Variants in CYP11B1 observed in about 807,000 individuals in gnomAD.
CYP11B1 encodes cytochrome P450 11B1, mitochondrial.
In CYP11B1, 34 loss-of-function variants were observed where a neutral mutation model predicts 48.3. The observed-to-expected ratio is 0.70, with a 90% CI of 0.54 to 0.94. The LOEUF (loss-of-function observed/expected upper bound fraction) is 0.94, where lower values mean the gene tolerates loss of function less well. CYP11B1 is among the 40% of genes least tolerant of loss of function. The pLI, the probability that CYP11B1 is intolerant of heterozygous loss-of-function variation, is 0.00. For missense variants in CYP11B1, 688 were observed against 657.4 expected, an observed-to-expected ratio of 1.05 and a Z score of -0.51; for synonymous variants, 291 against 262.5, an observed-to-expected ratio of 1.11 and a Z score of -1.05.
rs1232374644 is a variant in CYP11B1 at position 142,875,066 on chromosome 8, T to C, written c.1289A>G (p.Asp430Gly). 1 of 1,614,240 alleles carries C rather than the reference T, an allele frequency of 6.2e-7. No individual in the cohort carries two copies. Among genetic ancestry groups the C allele is most frequent in the East Asian group, 2.2e-5 (1 of 44,880 alleles). Residue 430 changes from aspartate (D) to glycine (G), a missense_variant, in exon 8 of 9, where the codon GAC becomes GGC. Transcript: ENST00000292427. Reference sequence around the variant, plus strand: ...GAAGTTCCTGCCGGAGCCCCTGATGTCTAGCCAGCGCTGGGGGTTATAGCG... The same window carrying C: ...GAAGTTCCTGCCGGAGCCCCTGATGCCTAGCCAGCGCTGGGGGTTATAGCG... ...PERYNPQRWL[D>G]IRGSGRNFYH... is the part of the protein sequence containing the mutation.
intron 2 of CYP11B1, chr8:142,877,899 G>T: frequency 7.5e-7 from 1 of 1,340,380 alleles, no homozygotes; most frequent in Non-Finnish European, 1.0e-6. Context: ...GTGATGGCAG[G>T]CAGAAGATGC....
chr8:142,879,054 G>A lies in CYP11B1; in HGVS notation c.373C>T (p.His125Tyr). 16 of 1,614,158 alleles carry A rather than the reference G, an allele frequency of 9.9e-6. No individual in the cohort carries two copies. The highest frequency in any genetic ancestry group is 1.4e-5 in the Non-Finnish European group (16 of 1,180,044). The change falls in exon 2 of 9, where the codon CAC becomes TAC. Residue 125 changes from histidine to tyrosine, a missense_variant. Coordinates refer to ENST00000292427, the MANE Select transcript of CYP11B1 (RefSeq NM_000497.4). The part of the protein sequence containing the change: ...PWVAYRQHRG[H>Y]KCGVFLLNGP... ...TACAGCAAGAACACGCCACATTTGTGCCCACGATGTTGTCTGTAGGCCACC... is the reference window on the plus strand; with the variant it reads ...TACAGCAAGAACACGCCACATTTGTACCCACGATGTTGTCTGTAGGCCACC...
chr8:142,874,626 A>G, intron 8 of CYP11B1, 140 bp from the exon 9 acceptor site: 1 of 739,122 alleles, frequency 1.4e-6, no homozygotes, highest in South Asian at 1.5e-5. Flanking sequence ...ATTCCTGACC[A>G]GCCCCACCTT....
Position 142,874,128 on chromosome 8 carries a change from G to A in CYP11B1, c.*245C>T, listed in dbSNP as rs538608688. On this transcript the variant is annotated 3_prime_UTR_variant, in exon 9 of 9. Coordinates refer to ENST00000292427, the MANE Select transcript of CYP11B1 (RefSeq NM_000497.4). The stretch of plus-strand genomic sequence containing the variant: ...AACTGCCCAGAGGACAGTGCTTGCT[G>A]GAGAAAGGGCCAGGTGGGGCTGGGG... 41 of 568,132 alleles carry A rather than the reference G, an allele frequency of 7.2e-5. No homozygotes were observed. The South Asian group carries it at 7.4e-4, about 10-fold the overall frequency. 35.2% of individuals were successfully genotyped at this position (568,132 alleles called of 1,614,324 possible).
Position 142,874,143 on chromosome 8 carries a change from T to A in CYP11B1, c.*230A>T, listed in dbSNP as rs1314727503. ...AGTGCTTGCTGGAGAAAGGGCCAGG[T>A]GGGGCTGGGGACAAGGTCAGCAAGA... is the stretch of plus-strand genomic sequence containing the variant. On this transcript the variant is annotated 3_prime_UTR_variant, in exon 9 of 9. Transcript: ENST00000292427. 2 of 585,628 alleles carry A rather than the reference T, an allele frequency of 3.4e-6. No individual in the cohort carries two copies. The highest frequency in any genetic ancestry group is 3.7e-5 in the African/African-American group (2 of 53,684). The allele number at this position is 585,628 out of a possible 1,614,324, so 36.3% of individuals were successfully genotyped here.
At chr8:142,876,430 G>C (rs115446538) in intron 4 of CYP11B1, 35 bp from the exon 5 acceptor site, 2 of 1,602,236 alleles carry the variant, frequency 1.2e-6, no homozygotes, top group Admixed American at 3.4e-5. Context: ...CTCAGACTTT[G>C]GTGCTGGGAG....
At chr8:142,878,159 G>A (rs778053504) in intron 2 of CYP11B1, among the ~76,000 whole-genome samples, 15 of 152,156 alleles carry the variant, frequency 9.9e-5, no homozygotes, top group East Asian at 9.6e-4. Flanking sequence ...ATACAGGTGC[G>A]CTCCCCTTCC....
At position 142,874,146 on chromosome 8, in the gene CYP11B1, G is replaced by C. The variant is rs1373905446; in HGVS notation, c.*227C>G. On this transcript the variant is annotated 3_prime_UTR_variant, in exon 9 of 9. Coordinates refer to ENST00000292427, the MANE Select transcript of CYP11B1 (RefSeq NM_000497.4). ...GCTTGCTGGAGAAAGGGCCAGGTGGGGCTGGGGACAAGGTCAGCAAGATCT... is the reference window on the plus strand; with the variant it reads ...GCTTGCTGGAGAAAGGGCCAGGTGGCGCTGGGGACAAGGTCAGCAAGATCT... 3 of 590,822 alleles carry C rather than the reference G, an allele frequency of 5.1e-6. No homozygotes were observed. Among genetic ancestry groups the C allele is most frequent in the Non-Finnish European group, 9.2e-6 (3 of 327,784 alleles). 36.6% of individuals were successfully genotyped at this position (590,822 alleles called of 1,614,324 possible).
rs61751154 is a variant in CYP11B1, at chr8:142,876,875, C to T, written c.606G>A (p.Leu202=). 1.2e-4 allele frequency: 193 copies of T among 1,608,446 alleles called. No individual in the cohort carries two copies. Among genetic ancestry groups the T allele is most frequent in the African/African-American group, 8.8e-4 (63 of 71,798 alleles). ...GGCCCAGCCGCTCTCCAAAAAGAGCCAAGTTGCTGGCTGCGGGGAGGATGC... is the reference window on the plus strand; with the variant it reads ...GGCCCAGCCGCTCTCCAAAAAGAGCTAAGTTGCTGGCTGCGGGGAGGATGC... ...IFHYTIEASN[L]ALFGERLGLV... The change falls in exon 4 of 9, where the codon TTG becomes TTA. Residue 202 remains leucine (L), a synonymous_variant. Transcript: ENST00000292427.
intron 1 of CYP11B1, 134 bp downstream of exon 1, chr8:142,879,441 A>T: frequency 6.2e-7 from 1 of 1,613,388 alleles, no homozygotes; most frequent in Non-Finnish European, 8.5e-7. Flanking sequence ...CACGTGCTGC[A>T]CTCCTTCCCC....
chr8:142,874,587 G>C, intron 8 of CYP11B1, 101 bp from the exon 9 acceptor site: 2 of 855,510 alleles, frequency 2.3e-6, no homozygotes, highest in Non-Finnish European at 4.0e-6. Context: ...GCTGAAGGGG[G>C]AACAGCAGCC....
chr8:142,873,234 C>A lies in CYP11B1; in HGVS notation c.*1139G>T. The A allele has an allele frequency of 6.6e-6, 1 of 152,424 alleles. No homozygotes were observed. Among genetic ancestry groups the A allele is most frequent in the African/African-American group, 2.4e-5 (1 of 41,584 alleles). 9.4% of individuals were successfully genotyped at this position (152,424 alleles called of 1,614,324 possible). A position where few individuals can be genotyped will look rare whatever the true frequency, so the allele number is the denominator to read the frequency against. On this transcript the variant is annotated 3_prime_UTR_variant, in exon 9 of 9. Coordinates refer to ENST00000292427, the MANE Select transcript of CYP11B1 (RefSeq NM_000497.4). ...CCCCTTTCATGGGGGAACAAATGCT[C>A]TGATCCTCATCAGCCACCAGGAGCT...
rs775834212 is a variant in CYP11B1 at position 142,874,469 on chromosome 8, C to T, written c.1416G>A (p.Gln472=). ...TGTCCTCTTGGGTTAGTGTCTCCACCTGGAGGTGTTTCAGCACCTAGGACA... is the reference window on the plus strand; with the variant it reads ...TGTCCTCTTGGGTTAGTGTCTCCACTTGGAGGTGTTTCAGCACCTAGGACA... ...LLLHHVLKHL[Q]VETLTQEDIK... The change falls in exon 9 of 9, where the codon CAG becomes CAA. Residue 472 remains glutamine (Q), a synonymous_variant. Transcript: ENST00000292427. 6.2e-7 allele frequency: 1 copy of T among 1,613,734 alleles called. No individual in the cohort carries two copies. Among genetic ancestry groups the T allele is most frequent in the Admixed American group, 1.7e-5 (1 of 60,024 alleles).
intron 8 of CYP11B1, among the ~76,000 whole-genome samples, chr8:142,874,687 A>C (rs1816874977): frequency 6.6e-6 from 1 of 151,956 alleles, no homozygotes. Flanking sequence ...AAGCCCCACT[A>C]TCCTGTACAG....
At chr8:142,876,163 C>G (rs746628473) in intron 5 of CYP11B1, 78 bp downstream of exon 5, 15 of 1,592,660 alleles carry the variant, frequency 9.4e-6, no homozygotes, top group Admixed American at 8.4e-5. Flanking sequence ...ACGTGGGCGC[C>G]GTGTGACATT....
At position 142,876,803 on chromosome 8, in the gene CYP11B1, G is replaced by A. The variant is rs545009594; in HGVS notation, c.678C>T (p.Ala226=). The A allele has an allele frequency of 1.2e-6, 2 of 1,614,174 alleles. No individual in the cohort carries two copies. The highest frequency in any genetic ancestry group is 2.2e-5 in the South Asian group (2 of 91,078). Reference sequence around the variant, plus strand: ...CGGTGGATTTGAACATGACCTCCAGGGCATGGAGGAAGTTCAGGCTGGCAG... The same window carrying A: ...CGGTGGATTTGAACATGACCTCCAGAGCATGGAGGAAGTTCAGGCTGGCAG... ...PSSASLNFLH[A]LEVMFKSTVQ... Residue 226 remains alanine, a synonymous_variant, in exon 4 of 9, where the codon GCC becomes GCT. Coordinates refer to ENST00000292427, the MANE Select transcript of CYP11B1 (RefSeq NM_000497.4).
intron 8 of CYP11B1, 32 bp from the exon 9 acceptor site, chr8:142,874,518 G>C: frequency 6.8e-7 from 1 of 1,470,028 alleles, no homozygotes; most frequent in Non-Finnish European, 9.5e-7. Flanking sequence ...CATCTGGCTT[G>C]GTCCGCAGCC....
Position 142,875,450 on chromosome 8 carries a change from C to G in CYP11B1, c.1122-138G>C, listed in dbSNP as rs1816907859. The G allele has an allele frequency of 3.7e-5, 46 of 1,245,090 alleles. No homozygotes were observed. The East Asian group carries it at 1.1e-3, about 31-fold the overall frequency. The allele number at this position is 1,245,090 out of a possible 1,614,324, so 77.1% of individuals were successfully genotyped here. The stretch of plus-strand genomic sequence containing the variant: ...GGTCGTAGGAAGTGCTTCCTTGCAC[C>G]TGCTGAGCCCGGCCAAACCTCCCCT... On this transcript the variant is annotated intron_variant, in intron 6 of 8. Transcript: ENST00000292427.
rs372768323 is a variant in CYP11B1, at chr8:142,876,404, G to T, written c.800-9C>A. 6.2e-7 allele frequency: 1 copy of T among 1,612,020 alleles called. No individual in the cohort carries two copies. The highest frequency in any genetic ancestry group is 8.5e-7 in the Non-Finnish European group (1 of 1,179,112). On this transcript the variant is annotated splice_polypyrimidine_tract_variant and intron_variant, in intron 4 of 8. Transcript: ENST00000292427. ...CTGGATACAGTTGTCGCCTATCCGG[G>T]GAGCGGGAGGCAGCCCTCAGACTTT...
Sources: allele counts gnomAD v4.1 joint callset (sites outside exome capture counted in the v4.1 genomes callset), GRCh38; gene constraint gnomAD v4.1.1; transcripts MANE v1.5; gene names NCBI Gene and HGNC (gene_info 2026-07-23, HGNC 2026-07-21).